MRPS31: variants seen among roughly 807,000 people sequenced by gnomAD.
The protein encoded by MRPS31 is mitochondrial ribosomal protein S31.
Under a neutral mutation model 43.1 loss-of-function variants are expected in MRPS31, and 32 were observed. The ratio of observed to expected loss-of-function variants is 0.74; its 90% CI spans 0.56 to 1.00. MRPS31 has a LOEUF of 1.00. Among genes scored for constraint, MRPS31 ranks in the 50% least tolerant of loss-of-function variants. MRPS31 has a pLI of 0.00. For missense variants in MRPS31, 437 were observed against 466.7 expected (o/e 0.94, Z 0.59); for synonymous variants, 165 against 161.6 (o/e 1.02, Z -0.16).
intron 5 of MRPS31, among the ~76,000 whole-genome samples, chr13:40,750,933 G>A (rs1268868944): frequency 1.3e-5 from 2 of 151,838 alleles, no homozygotes; most frequent in Admixed American, 1.3e-4. Flanking sequence ...TTCCGGGTTA[G>A]AGGCATAGAT....
Position 40,731,691 on chromosome 13 carries a change from CAG to C in MRPS31, c.959-2092_959-2091del, listed in dbSNP as rs567020372. Among the ~76,000 whole-genome samples, 21 of 151,826 alleles carry C rather than the reference CAG, an allele frequency of 1.4e-4. No homozygotes were observed. The South Asian group carries it at 4.2e-3, about 30-fold the overall frequency. ...TAATCTAAGTATACAAATTAAAAGA[CAG>C]AGACTGGCACAGTGGATATAAAAAC... On this transcript the variant is annotated intron_variant, in intron 6 of 6. Coordinates refer to ENST00000323563, the MANE Select transcript of MRPS31 (RefSeq NM_005830.4).
intron 6 of MRPS31, among the ~76,000 whole-genome samples, chr13:40,747,459 G>A (rs897351065): frequency 6.6e-6 from 1 of 152,116 alleles, no homozygotes; most frequent in African/African-American, 2.4e-5. Context: ...AGGTTTGTAC[G>A]ACTAAAAAGG....
At chr13:40,757,719 C>G (rs1376401580) in intron 3 of MRPS31, among the ~76,000 whole-genome samples, 7 of 147,232 alleles carry the variant, frequency 4.8e-5, no homozygotes, top group Non-Finnish European at 9.0e-5. Flanking sequence ...GCTGGGATTA[C>G]AGGCGTGAGC....
Position 40,771,075 on chromosome 13 carries a change from G to C in MRPS31, c.62C>G (p.Ser21Cys). 3 of 1,614,154 alleles carry C rather than the reference G, an allele frequency of 1.9e-6. 1 individual carries two copies. In the South Asian group the frequency reaches 3.3e-5, roughly 18 times the overall value. Reference sequence around the variant, plus strand: ...AGCCGCTGATGTCTCCGGGCTTCCAGAGGACAAAGGGTGGCGGGAAAGGGG... The same window carrying C: ...AGCCGCTGATGTCTCCGGGCTTCCACAGGACAAAGGGTGGCGGGAAAGGGG... ...LRPLSRHPLS[S>C]GSPETSAAAI... is the part of the protein sequence containing the mutation. Residue 21 changes from serine (S) to cysteine (C), a missense_variant, in exon 1 of 7, where the codon TCT becomes TGT. Coordinates refer to ENST00000323563, the MANE Select transcript of MRPS31 (RefSeq NM_005830.4).
intron 1 of MRPS31, among the ~76,000 whole-genome samples, chr13:40,770,450 T>C (rs1376420970): frequency 1.3e-5 from 2 of 152,242 alleles, no homozygotes; most frequent in African/African-American, 4.8e-5. Context: ...GTCTCCCCTA[T>C]AATGGTTAGG....
intron 2 of MRPS31, among the ~76,000 whole-genome samples, chr13:40,763,944 A>G (rs557484992): frequency 6.6e-6 from 1 of 152,198 alleles, no homozygotes; most frequent in Non-Finnish European, 1.5e-5. Context: ...AACAGCCAGT[A>G]TCAACTACTG....
chr13:40,734,955 C>T (rs1879835533), intron 6 of MRPS31, among the ~76,000 whole-genome samples: 2 of 152,202 alleles, frequency 1.3e-5, no homozygotes. Context: ...AGCAACAGCT[C>T]CAGTCTACAG....
At chr13:40,738,003 G>C (rs1005255753) in intron 6 of MRPS31, among the ~76,000 whole-genome samples, 14 of 151,788 alleles carry the variant, frequency 9.2e-5, no homozygotes, top group Non-Finnish European at 1.6e-4. Flanking sequence ...CCAGGAGCTG[G>C]TTTTTTGAAA....
At chr13:40,770,813 C>T (rs922759058) in intron 1 of MRPS31, 172 bp downstream of exon 1, 7 of 773,276 alleles carry the variant, frequency 9.1e-6, no homozygotes, top group Non-Finnish European at 1.2e-5. Flanking sequence ...GGTTTGTAAT[C>T]GTAGCTCTGT....
At chr13:40,769,291 G>A (rs1404389217) in intron 1 of MRPS31, among the ~76,000 whole-genome samples, 3 of 148,346 alleles carry the variant, frequency 2.0e-5, no homozygotes, top group Non-Finnish European at 4.5e-5. Context: ...CAGAAGAATC[G>A]CTTGAACCCA....
intron 2 of MRPS31, among the ~76,000 whole-genome samples, chr13:40,761,719 T>C (rs536905292): frequency 6.6e-6 from 1 of 152,290 alleles, no homozygotes; most frequent in Non-Finnish European, 1.5e-5. Flanking sequence ...CTGTACTTTT[T>C]AAATTTCTTT....
At chr13:40,769,420 ATT>A (rs1880946393) in intron 1 of MRPS31, among the ~76,000 whole-genome samples, 2 of 108,980 alleles carry the variant, frequency 1.8e-5, no homozygotes, top group Non-Finnish European at 3.5e-5. Context: ...ATATATATAT[ATT>A]ATCAAGTTCT....
intron 6 of MRPS31, among the ~76,000 whole-genome samples, chr13:40,733,952 T>G (rs1474107878): frequency 2.9e-5 from 3 of 104,898 alleles, no homozygotes; most frequent in African/African-American, 7.3e-5. Flanking sequence ...AGAGTGAGAC[T>G]CTGACTCAAA....
chr13:40,756,970 T>C lies in MRPS31; in HGVS notation c.643A>G (p.Thr215Ala), dbSNP rs1309347819. The change falls in exon 4 of 7, where the codon ACA becomes GCA. Residue 215 changes from threonine to alanine, a missense_variant. Thr to Ala is a moderately conservative substitution (Grantham distance 58). Transcript: ENST00000323563. ...TCTGGTCTTGAACGAACTCTAGCTG[T>C]AGCAGATCTGGCAACTTTCATATCT... ...ISDMKVARSA[T>A]ARVRSRPELR... The C allele has an allele frequency of 3.7e-6, 6 of 1,613,152 alleles. No individual in the cohort carries two copies. Among genetic ancestry groups the C allele is most frequent in the Non-Finnish European group, 4.2e-6 (5 of 1,179,598 alleles).
chr13:40,741,013 A>G (rs931749937), intron 6 of MRPS31, among the ~76,000 whole-genome samples: 7 of 151,904 alleles, frequency 4.6e-5, no homozygotes, highest in Non-Finnish European at 1.0e-4. Context: ...GTCCATAGTC[A>G]TATTAGTGTA....
intron 2 of MRPS31, 86 bp from the exon 3 acceptor site, chr13:40,759,192 C>A: frequency 9.3e-7 from 1 of 1,070,094 alleles, no homozygotes. Flanking sequence ...AATTCCAGCA[C>A]TTTGGGAAGC....
rs760983454 is a variant in MRPS31 at position 40,749,258 on chromosome 13, C to T, written c.838G>A (p.Val280Met). ...ETDTSPSLWD[V>M]EFAKQLATVN... ...GTGGCTAACTGCTTAGCAAATTCCA[C>T]ATCCCAAAGTGAAGGTGATGTGTCT... The change falls in exon 6 of 7, where the codon GTG (valine) becomes ATG (methionine). Residue 280 changes from valine (V) to methionine (M), a missense_variant. By Grantham distance (21) the Val-to-Met change is conservative. Transcript: ENST00000323563. 36 of 1,592,110 alleles carry T rather than the reference C, an allele frequency of 2.3e-5. No individual in the cohort carries two copies. Among genetic ancestry groups the T allele is most frequent in the Non-Finnish European group, 2.9e-5 (34 of 1,174,422 alleles).
At chr13:40,761,576 T>G (rs1880695758) in intron 2 of MRPS31, among the ~76,000 whole-genome samples, 1 of 152,150 alleles carries the variant, frequency 6.6e-6, no homozygotes, top group South Asian at 2.1e-4. Flanking sequence ...ATTGAATAAT[T>G]TTTACATACA....
At chr13:40,756,754 T>C (rs112194704) in intron 4 of MRPS31, 119 bp downstream of exon 4, 27,498 of 1,121,330 alleles carry the variant, frequency 0.025, 1,175 homozygotes, top group East Asian at 0.15. Flanking sequence ...GATGTAAATG[T>C]ATTCATAATG....
Sources: gnomAD v4.1 joint callset for allele counts (sites outside exome capture counted in the v4.1 genomes callset) on GRCh38, gnomAD v4.1.1 for gene constraint, MANE v1.5 for transcripts, NCBI Gene and HGNC (gene_info 2026-07-23, HGNC 2026-07-21) for gene names.